Variants in CMYA5 observed in about 807,000 individuals in gnomAD.
The protein encoded by CMYA5 is cardiomyopathy-associated protein 5.
In CMYA5, 246 loss-of-function variants were observed where a neutral mutation model predicts 318.9. The ratio of observed to expected loss-of-function variants is 0.77; its 90% CI spans 0.70 to 0.86. The LOEUF (loss-of-function observed/expected upper bound fraction) is 0.86, where lower values mean the gene tolerates loss of function less well. Among genes scored for constraint, CMYA5 ranks in the 40% least tolerant of loss-of-function variants. The probability of loss-of-function intolerance (pLI) is 0.00; values close to 1 mark genes in which losing one functional copy is unlikely to be tolerated. For missense variants in CMYA5, 4,589 were observed against 4,678.2 expected (o/e 0.98, Z 0.56); for synonymous variants, 1,641 against 1,729.5 (o/e 0.95, Z 1.27).
rs1244159216 is a variant in CMYA5, at chr5:79,731,905, G to T, written c.3140G>T (p.Gly1047Val). 1 of 1,613,342 alleles carries T rather than the reference G, an allele frequency of 6.2e-7. No homozygotes were observed. Among genetic ancestry groups the T allele is most frequent in the Admixed American group, 1.7e-5 (1 of 59,900 alleles). ...TCAGAAGCAGATGAGGAAGACATTG[G>T]ATCCACAGCTGCTACACCTGTATCT... ...CFSEADEEDI[G>V]STAATPVSEQ... Residue 1047 changes from glycine to valine, a missense_variant, in exon 2 of 13, where the codon GGA becomes GTA. By Grantham distance (109) the Gly-to-Val change is moderately radical. Coordinates refer to ENST00000446378, the MANE Select transcript of CMYA5 (RefSeq NM_153610.5).
intron 1 of CMYA5, among the ~76,000 whole-genome samples, chr5:79,716,142 T>C (rs1827512868): frequency 6.6e-6 from 1 of 152,228 alleles, no homozygotes; most frequent in Non-Finnish European, 1.5e-5. Flanking sequence ...AGCTAATAGA[T>C]GGTATGTGTG....
intron 1 of CMYA5, among the ~76,000 whole-genome samples, chr5:79,715,229 G>T (rs1209072031): frequency 6.6e-6 from 1 of 152,044 alleles, no homozygotes; most frequent in Non-Finnish European, 1.5e-5. Context: ...TAATATATGT[G>T]CAGGTATTTG....
At chr5:79,718,380 G>T (rs1187455861) in intron 1 of CMYA5, among the ~76,000 whole-genome samples, 1 of 151,914 alleles carries the variant, frequency 6.6e-6, no homozygotes, top group Non-Finnish European at 1.5e-5. Flanking sequence ...AGCTTTCTTG[G>T]TGTTTTATGG....
chr5:79,709,588 A>AT (rs1043443993), intron 1 of CMYA5, among the ~76,000 whole-genome samples: 241 of 144,160 alleles, frequency 1.7e-3, no homozygotes, highest in Middle Eastern at 3.6e-3. Flanking sequence ...AAGCTCATTG[A>AT]TTTTTTTTTT....
intron 1 of CMYA5, among the ~76,000 whole-genome samples, chr5:79,701,270 C>T (rs1827170647): frequency 1.3e-5 from 2 of 151,934 alleles, no homozygotes; most frequent in Non-Finnish European, 1.5e-5. Context: ...ACACTTAGAA[C>T]AAATAATACC....
At chr5:79,722,710 A>C (rs1447974826) in intron 1 of CMYA5, among the ~76,000 whole-genome samples, 1 of 151,254 alleles carries the variant, frequency 6.6e-6, no homozygotes, top group East Asian at 1.9e-4. Flanking sequence ...CTATCTGAAA[A>C]AGATAGTATA....
chr5:79,734,093 A>G lies in CMYA5; in HGVS notation c.5328A>G (p.Gly1776=). ...AAATAGGCCCATTACCACCAACTGG[A>G]AATTTGAAGGCACAAGTCATGGGAG... ...NQEIGPLPPT[G]NLKAQVMGDI... is the part of the protein sequence containing the mutation. Residue 1776 remains glycine (G), a synonymous_variant, in exon 2 of 13, where the codon GGA becomes GGG. Transcript: ENST00000446378. 1.2e-6 allele frequency: 2 copies of G among 1,613,824 alleles called. No homozygotes were observed. Among genetic ancestry groups the G allele is most frequent in the South Asian group, 1.1e-5 (1 of 91,060 alleles).
At chr5:79,742,112 T>C (rs1828226174) in intron 2 of CMYA5, among the ~76,000 whole-genome samples, 2 of 69,692 alleles carry the variant, frequency 2.9e-5, no homozygotes, top group Non-Finnish European at 5.9e-5. Flanking sequence ...CTTCTTCTCT[T>C]CTTCTTCTTC....
In CMYA5 at chr5:79,738,881, T is replaced by A. The variant is rs977243289; in HGVS notation, c.10116T>A (p.Asn3372Lys). ...VGNASPEVNLNVPVQVSFPEE... is the reference protein window; with the variant it reads ...VGNASPEVNLKVPVQVSFPEE... The stretch of plus-strand genomic sequence containing the variant: ...ATGCAAGTCCAGAGGTCAATCTGAA[T>A]GTCCCAGTACAAGTGTCCTTCCCGG... The change falls in exon 2 of 13, where the codon AAT becomes AAA. Residue 3372 changes from asparagine to lysine, a missense_variant. Physicochemically the swap from Asn to Lys is moderately conservative, Grantham distance 94. Transcript: ENST00000446378. 6.2e-7 allele frequency: 1 copy of A among 1,613,938 alleles called. No homozygotes were observed. The highest frequency in any genetic ancestry group is 1.7e-5 in the Admixed American group (1 of 59,990).
chr5:79,712,565 A>G (rs932239232), intron 1 of CMYA5, among the ~76,000 whole-genome samples: 4 of 152,084 alleles, frequency 2.6e-5, no homozygotes, highest in Non-Finnish European at 2.9e-5. Context: ...GTTGCCAAAC[A>G]CTATATTAGG....
intron 1 of CMYA5, among the ~76,000 whole-genome samples, chr5:79,716,856 C>T (rs1035881): frequency 0.45 from 67,643 of 151,900 alleles, 16,050 homozygotes; most frequent in African/African-American, 0.6. Flanking sequence ...AATAAGGCAA[C>T]GTTAATTTAT....
At chr5:79,697,032 A>T (rs1580742992) in intron 1 of CMYA5, among the ~76,000 whole-genome samples, 1 of 152,224 alleles carries the variant, frequency 6.6e-6, no homozygotes, top group African/African-American at 2.4e-5. Flanking sequence ...TATTTACTGT[A>T]AGAAAAGAGA....
intron 1 of CMYA5, among the ~76,000 whole-genome samples, chr5:79,692,401 G>A (rs1297129886): frequency 6.5e-5 from 6 of 93,016 alleles, no homozygotes; most frequent in African/African-American, 9.6e-5. Flanking sequence ...ATTATCTATA[G>A]TTACCTTTCT....
At chr5:79,763,518 G>T in intron 9 of CMYA5, 1 of 293,966 alleles carries the variant, frequency 3.4e-6, no homozygotes, top group Non-Finnish European at 6.4e-6. Context: ...ATATTTTATG[G>T]GTTTTTTACT....
At chr5:79,765,975 T>C (rs193152696) in intron 9 of CMYA5, among the ~76,000 whole-genome samples, 1 of 152,248 alleles carries the variant, frequency 6.6e-6, no homozygotes, top group Non-Finnish European at 1.5e-5. Flanking sequence ...TTTGAATACC[T>C]TTTTTTCTTT....
chr5:79,692,959 G>A (rs975831685), intron 1 of CMYA5, among the ~76,000 whole-genome samples: 1 of 152,122 alleles, frequency 6.6e-6, no homozygotes, highest in African/African-American at 2.4e-5. Flanking sequence ...ATCCATTACT[G>A]TCCTCATATT....
chr5:79,707,257 G>T (rs746071551), intron 1 of CMYA5, among the ~76,000 whole-genome samples: 1 of 151,992 alleles, frequency 6.6e-6, no homozygotes, highest in Non-Finnish European at 1.5e-5. Context: ...CAACTGGAAC[G>T]GCCCACTCAG....
chr5:79,724,779 A>G (rs2151082623), intron 1 of CMYA5, among the ~76,000 whole-genome samples: 1 of 152,328 alleles, frequency 6.6e-6, no homozygotes, highest in Admixed American at 6.5e-5. Context: ...TAATACTGCC[A>G]TGGCTTTACA....
At chr5:79,743,962 C>T (rs1828269229) in intron 3 of CMYA5, 40 bp downstream of exon 3, 3 of 1,025,538 alleles carry the variant, frequency 2.9e-6, no homozygotes, top group Non-Finnish European at 4.3e-6. Context: ...CTGGCTTGTT[C>T]ACAGTATCAG....
Sources: gnomAD v4.1 joint callset for allele counts (sites outside exome capture counted in the v4.1 genomes callset) on GRCh38, gnomAD v4.1.1 for gene constraint, MANE v1.5 for transcripts, NCBI Gene and HGNC (gene_info 2026-07-23, HGNC 2026-07-21) for gene names.